RAD54B: variants seen among roughly 807,000 people sequenced by gnomAD.
The protein encoded by RAD54B is DNA repair and recombination protein RAD54B.
Under a neutral mutation model 95.8 loss-of-function variants are expected in RAD54B, and 78 were observed. The observed-to-expected ratio is 0.81, with a 90% CI of 0.68 to 0.98. RAD54B has a LOEUF of 0.98. Ranked by LOEUF, RAD54B falls within the 50% of genes least tolerant of loss-of-function variation. The pLI, the probability that RAD54B is intolerant of heterozygous loss-of-function variation, is 0.00. For synonymous variants in RAD54B, 328 were observed against 354.9 expected (o/e 0.92, Z 0.85); for missense variants, 957 against 1,056.6 (o/e 0.91, Z 1.31).
intron 8 of RAD54B, among the ~76,000 whole-genome samples, chr8:94,396,259 A>AG (rs1372008893): frequency 8.7e-6 from 1 of 114,362 alleles, no homozygotes; most frequent in Non-Finnish European, 1.7e-5. Flanking sequence ...CTGTAGAAGA[A>AG]AAAAAAAAAA....
intron 14 of RAD54B, among the ~76,000 whole-genome samples, chr8:94,376,801 T>C (rs1461882390): frequency 1.3e-5 from 2 of 149,594 alleles, no homozygotes; most frequent in African/African-American, 4.9e-5. Flanking sequence ...ATATGACAAA[T>C]AACTAATAAA....
chr8:94,374,180 G>A (rs1433121849), intron 14 of RAD54B, among the ~76,000 whole-genome samples: 1 of 152,088 alleles, frequency 6.6e-6, no homozygotes, highest in African/African-American at 2.4e-5. Flanking sequence ...TCGGGAGGCT[G>A]AGGCAGGAGA....
chr8:94,405,762 G>A (rs182117514), intron 5 of RAD54B, among the ~76,000 whole-genome samples: 2 of 152,176 alleles, frequency 1.3e-5, no homozygotes, highest in East Asian at 1.9e-4. Flanking sequence ...AAGCAAAAAG[G>A]ACTATAGGAT....
intron 14 of RAD54B, among the ~76,000 whole-genome samples, chr8:94,377,545 GAAAAAAAAAA>G (rs71273330): frequency 2.3e-4 from 16 of 70,580 alleles, no homozygotes; most frequent in South Asian, 4.7e-4. Flanking sequence ...CCCTGTCTTG[GAAAAAAAAAA>G]AAAAAAAAAA....
chr8:94,422,775 T>A (rs907135960), intron 3 of RAD54B, among the ~76,000 whole-genome samples: 11 of 143,030 alleles, frequency 7.7e-5, no homozygotes, highest in African/African-American at 2.3e-4. Context: ...TATATATATA[T>A]AATTGTTAGG....
intron 9 of RAD54B, 96 bp downstream of exon 9, chr8:94,393,647 A>C: frequency 8.3e-7 from 1 of 1,203,196 alleles, no homozygotes; most frequent in Non-Finnish European, 1.2e-6. Flanking sequence ...AAGAGTTCAC[A>C]CTATTGATTT....
chr8:94,372,649 C>G lies in RAD54B; in HGVS notation c.2516-262G>C, dbSNP rs188382988. On this transcript the variant is annotated intron_variant, in intron 14 of 14. Coordinates refer to ENST00000336148, the MANE Select transcript of RAD54B (RefSeq NM_012415.3). ...CTTACAGTCTAGTGGGAGAGATATA[C>G]ATTAAATAAATAATCATCTGAAAAA... Among the ~76,000 whole-genome samples, 308 of 152,230 alleles carry G rather than the reference C, an allele frequency of 2.0e-3. 1 individual carries two copies. The highest frequency in any genetic ancestry group is 3.3e-3 in the Non-Finnish European group (225 of 68,006).
intron 2 of RAD54B, among the ~76,000 whole-genome samples, chr8:94,461,937 TA>T (rs1812915976): frequency 6.6e-6 from 1 of 152,218 alleles, no homozygotes; most frequent in South Asian, 2.1e-4. Context: ...TAACGTCTGT[TA>T]TAGATTTTTC....
intron 14 of RAD54B, among the ~76,000 whole-genome samples, chr8:94,376,088 C>G (rs923176782): frequency 3.3e-5 from 5 of 151,958 alleles, no homozygotes; most frequent in Admixed American, 1.3e-4. Context: ...GCTAATATGA[C>G]AGAATTCTAC....
chr8:94,374,646 T>C (rs576399660), intron 14 of RAD54B, among the ~76,000 whole-genome samples: 1 of 151,740 alleles, frequency 6.6e-6, no homozygotes, highest in East Asian at 1.9e-4. Context: ...TAAGACAAAA[T>C]GAAAGCAAAA....
chr8:94,464,378 G>A (rs571664689), intron 2 of RAD54B, among the ~76,000 whole-genome samples: 2 of 152,228 alleles, frequency 1.3e-5, no homozygotes, highest in South Asian at 4.1e-4. Flanking sequence ...GAGAAAGCCA[G>A]GGAACAGATT....
chr8:94,393,885 A>G lies in RAD54B; in HGVS notation c.1379-3T>C. The G allele has an allele frequency of 6.3e-7, 1 of 1,579,686 alleles. No individual in the cohort carries two copies. Among genetic ancestry groups the G allele is most frequent in the Non-Finnish European group, 8.6e-7 (1 of 1,167,038 alleles). The stretch of plus-strand genomic sequence containing the variant: ...CAGATCATTCTGAATTGGAGTACCT[A>G]AAGAGAGACAAAAATGAGTAAAAGG... On this transcript the variant is annotated splice_polypyrimidine_tract_variant and splice_region_variant and intron_variant, in intron 8 of 14. Transcript: ENST00000336148.
chr8:94,449,261 TATC>T (rs1326963548), intron 3 of RAD54B, among the ~76,000 whole-genome samples: 2 of 142,296 alleles, frequency 1.4e-5, no homozygotes, highest in Admixed American at 7.1e-5. Context: ...CCAATATCCA[TATC>T]ATCAGGTTGT....
intron 11 of RAD54B, 103 bp from the exon 12 acceptor site, chr8:94,380,509 G>T: frequency 8.6e-7 from 1 of 1,162,510 alleles, no homozygotes; most frequent in Non-Finnish European, 1.2e-6. Context: ...GACATTGAGA[G>T]AACATGCAAC....
chr8:94,398,184 A>T (rs1014595515), intron 8 of RAD54B, among the ~76,000 whole-genome samples: 1 of 152,086 alleles, frequency 6.6e-6, no homozygotes, highest in Admixed American at 6.6e-5. Context: ...ATGAAATTTG[A>T]CCCTAGTCCT....
chr8:94,470,419 A>T (rs1813141329), intron 1 of RAD54B, among the ~76,000 whole-genome samples: 1 of 152,130 alleles, frequency 6.6e-6, no homozygotes, highest in Admixed American at 6.5e-5. Flanking sequence ...AACATGGAGA[A>T]ACCCTGTGTC....
intron 3 of RAD54B, chr8:94,431,947 G>T: frequency 1.6e-6 from 2 of 1,271,198 alleles, no homozygotes; most frequent in African/African-American, 1.6e-5. Context: ...CTATAACCAT[G>T]CCAACCAACC....
At chr8:94,444,463 G>T (rs1812474347) in intron 3 of RAD54B, among the ~76,000 whole-genome samples, 1 of 150,630 alleles carries the variant, frequency 6.6e-6, no homozygotes, top group South Asian at 2.1e-4. Context: ...TCATACCATG[G>T]TATACTTTGC....
intron 11 of RAD54B, among the ~76,000 whole-genome samples, chr8:94,383,728 AGATGGG>A (rs1810797553): frequency 7.4e-6 from 1 of 135,040 alleles, no homozygotes; most frequent in African/African-American, 2.7e-5. Context: ...CCCAAGGATA[AGATGGG>A]GATTCCCAAG....
Sources: allele counts gnomAD v4.1 joint callset (sites outside exome capture counted in the v4.1 genomes callset), GRCh38; gene constraint gnomAD v4.1.1; transcripts MANE v1.5; gene names NCBI Gene and HGNC (gene_info 2026-07-23, HGNC 2026-07-21).